The following PLBD2 variants were observed in gnomAD, a reference collection of about 807,000 sequenced individuals.
The protein encoded by PLBD2 is phospholipase B domain containing 2, also known as putative aminopeptidase PLBD2.
In PLBD2, 51 loss-of-function variants were observed where a neutral mutation model predicts 68.3. That is an observed-to-expected ratio of 0.75 (90% confidence interval 0.60 to 0.94). PLBD2 has a LOEUF of 0.94. Ranked by LOEUF, PLBD2 falls within the 40% of genes least tolerant of loss-of-function variation. The pLI, the probability that PLBD2 is intolerant of heterozygous loss-of-function variation, is 0.00. For missense variants in PLBD2, 729 were observed against 792.2 expected (o/e 0.92, Z 0.96); for synonymous variants, 314 against 339.3 (o/e 0.93, Z 0.82).
intron 1 of PLBD2, among the ~76,000 whole-genome samples, chr12:113,362,593 AG>A (rs1259826149): frequency 6.6e-6 from 1 of 151,396 alleles, no homozygotes; most frequent in Non-Finnish European, 1.5e-5. Context: ...TAGATTTTCC[AG>A]GAAAAAAAAA....
intron 8 of PLBD2, 94 bp from the exon 9 acceptor site, chr12:113,385,118 G>A (rs1957537676): frequency 1.4e-6 from 2 of 1,412,176 alleles, no homozygotes; most frequent in East Asian, 2.3e-5. Flanking sequence ...CATCCTCCAG[G>A]CAATGGGGAG....
rs924161272 is a variant in PLBD2, at chr12:113,372,601, G to C, written c.385-48G>C. 1.3e-5 allele frequency: 20 copies of C among 1,588,716 alleles called. No individual in the cohort carries two copies. The highest frequency in any genetic ancestry group is 6.8e-5 in the Admixed American group (4 of 59,064). Reference sequence around the variant, plus strand: ...CTGGGTGGGGGGCTCTCAGGGAAGAGAGCACCCCAGCTGCCCGCCCTTGCC... The same window carrying C: ...CTGGGTGGGGGGCTCTCAGGGAAGACAGCACCCCAGCTGCCCGCCCTTGCC... On this transcript the variant is annotated intron_variant, in intron 2 of 11. Coordinates refer to ENST00000280800, the MANE Select transcript of PLBD2 (RefSeq NM_173542.4). This position sits in a 1 kb window ranked among gnomAD's most constrained non-coding sequence, Gnocchi z 4.2.
chr12:113,371,831 C>A (rs1336558467), intron 2 of PLBD2, among the ~76,000 whole-genome samples: 1 of 152,246 alleles, frequency 6.6e-6, no homozygotes, highest in Non-Finnish European at 1.5e-5. Context: ...AACCTCAGCT[C>A]TGTCTAACCC....
chr12:113,374,989 T>G lies in PLBD2; in HGVS notation c.841T>G (p.Phe281Val), dbSNP rs976484841. 3.9e-5 allele frequency: 63 copies of G among 1,613,976 alleles called. No individual in the cohort carries two copies. The highest frequency in any genetic ancestry group is 5.2e-5 in the Non-Finnish European group (61 of 1,180,026). Residue 281 changes from phenylalanine to valine, a missense_variant, in exon 5 of 12, where the codon TTC becomes GTC. Coordinates refer to ENST00000280800, the MANE Select transcript of PLBD2 (RefSeq NM_173542.4). The stretch of plus-strand genomic sequence containing the variant: ...TGTCATCAAGAAGTACTGGCTCCAG[T>G]TCCGGGAAGGCCCCTGGGGTAGGTG... ...LRVIKKYWLQ[F>V]REGPWGDYPL...
At position 113,374,752 on chromosome 12, in the gene PLBD2, C is replaced by G. The variant is rs575100483; in HGVS notation, c.645-41C>G. 3.1e-4 allele frequency: 500 copies of G among 1,604,212 alleles called. 3 individuals are homozygous for G. In the South Asian group the frequency reaches 5.0e-3, roughly 16 times the overall value. ...CAAAATGAGTACATAACAGCACTCA[C>G]AGCAGGCGTGGTAACCCTCTGATGC... On this transcript the variant is annotated intron_variant, in intron 4 of 11. Transcript: ENST00000280800.
intron 1 of PLBD2, among the ~76,000 whole-genome samples, chr12:113,363,731 G>T (rs923057679): frequency 6.6e-6 from 1 of 151,924 alleles, no homozygotes; most frequent in South Asian, 2.1e-4. Flanking sequence ...TAGAGACGGG[G>T]TTTCACCATG....
chr12:113,387,840 C>G lies in PLBD2; in HGVS notation c.1536C>G (p.Asn512Lys), dbSNP rs1489610938. ...ENAISARSDL[N>K]PANGSYPFQA... The stretch of plus-strand genomic sequence containing the variant: ...CTATCTCCGCCCGCTCCGACCTCAA[C>G]CCGGCCAATGGCTCCTACCCCTTCC... The change falls in exon 11 of 12, where the codon AAC becomes AAG. Residue 512 changes from asparagine to lysine, a missense_variant. Asn to Lys is a moderately conservative substitution (Grantham distance 94). Coordinates refer to ENST00000280800, the MANE Select transcript of PLBD2 (RefSeq NM_173542.4). The G allele has an allele frequency of 6.2e-7, 1 of 1,614,250 alleles. No individual in the cohort carries two copies. Among genetic ancestry groups the G allele is most frequent in the South Asian group, 1.1e-5 (1 of 91,090 alleles).
intron 1 of PLBD2, among the ~76,000 whole-genome samples, chr12:113,368,037 A>G (rs190950583): frequency 3.3e-5 from 5 of 152,156 alleles, no homozygotes; most frequent in Non-Finnish European, 7.4e-5. Flanking sequence ...AGCTGAGATC[A>G]TGCCAGTACC....
chr12:113,388,027 T>C, intron 11 of PLBD2, 121 bp downstream of exon 11: 1 of 1,301,338 alleles, frequency 7.7e-7, no homozygotes. Context: ...GGAATTGGGC[T>C]GTGGTTGGGG....
rs1365884278 is a variant in PLBD2 at position 113,369,151 on chromosome 12, A to G, written c.326A>G (p.Tyr109Cys). The G allele has an allele frequency of 1.9e-6, 3 of 1,606,678 alleles. No homozygotes were observed. Among genetic ancestry groups the G allele is most frequent in the South Asian group, 1.1e-5 (1 of 89,210 alleles). Residue 109 changes from tyrosine to cysteine, a missense_variant, in exon 2 of 12, where the codon TAC becomes TGC. Transcript: ENST00000280800. ...CTGGAGCTGGGCACAAGTGGCCAAT[A>G]CAATGACAGCTTGCAGGCCTATGCA... ...AFLELGTSGQYNDSLQAYAAG... is the reference protein window; with the variant it reads ...AFLELGTSGQCNDSLQAYAAG...
intron 1 of PLBD2, among the ~76,000 whole-genome samples, chr12:113,366,314 C>G (rs936831397): frequency 1.3e-5 from 2 of 150,850 alleles, no homozygotes; most frequent in Non-Finnish European, 3.0e-5. Context: ...AAAAATGCTT[C>G]CCCCCGCTAG....
rs777583764 is a variant in PLBD2 at position 113,358,770 on chromosome 12, C to T, written c.170C>T (p.Pro57Leu). The change falls in exon 1 of 12, where the codon CCA becomes CTA. Residue 57 changes from proline (P) to leucine (L), a missense_variant. By Grantham distance (98) the Pro-to-Leu change is moderately conservative (BLOSUM62 -3). Transcript: ENST00000280800. Reference sequence around the variant, plus strand: ...TGGGCGCGCGATGGGCAGGTCCCTCCAGCCTCCCGCAGCCGCTCGGTGCTC... The same window carrying T: ...TGGGCGCGCGATGGGCAGGTCCCTCTAGCCTCCCGCAGCCGCTCGGTGCTC... ...GRWARDGQVP[P>L]ASRSRSVLLD... The T allele has an allele frequency of 1.6e-4, 225 of 1,441,350 alleles. No individual in the cohort carries two copies. Among genetic ancestry groups the T allele is most frequent in the Non-Finnish European group, 2.0e-4 (216 of 1,102,722 alleles). The allele number at this position is 1,441,350 out of a possible 1,614,324, so 89.3% of individuals were successfully genotyped here.
intron 5 of PLBD2, among the ~76,000 whole-genome samples, chr12:113,377,614 T>C (rs1565862034): frequency 6.6e-6 from 1 of 152,092 alleles, no homozygotes; most frequent in Non-Finnish European, 1.5e-5. Flanking sequence ...TCCGTAGAAA[T>C]GGGGTTTCGC....
chr12:113,386,857 C>T, intron 9 of PLBD2, 80 bp from the exon 10 acceptor site: 1 of 1,532,840 alleles, frequency 6.5e-7, no homozygotes, highest in Non-Finnish European at 8.8e-7. Context: ...CCTGGTGTGA[C>T]TGCCCCTCCC....
chr12:113,381,533 G>A (rs1276038822), intron 6 of PLBD2, among the ~76,000 whole-genome samples: 1 of 152,140 alleles, frequency 6.6e-6, no homozygotes, highest in African/African-American at 2.4e-5. Flanking sequence ...CGGGAGGGGT[G>A]GGGACTCTTC....
At chr12:113,368,399 G>T (rs1957360102) in intron 1 of PLBD2, among the ~76,000 whole-genome samples, 1 of 152,210 alleles carries the variant, frequency 6.6e-6, no homozygotes, top group Non-Finnish European at 1.5e-5. Flanking sequence ...CTACAGACCT[G>T]GTGTGCTTGT....
At chr12:113,371,411 A>G (rs1169468072) in intron 2 of PLBD2, among the ~76,000 whole-genome samples, 1 of 152,226 alleles carries the variant, frequency 6.6e-6, no homozygotes, top group African/African-American at 2.4e-5. Context: ...GAAAGAGCAC[A>G]TCACAGAGGA....
rs78598446 is a variant in PLBD2 at position 113,364,215 on chromosome 12, G to A, written c.291-4901G>A. On this transcript the variant is annotated intron_variant, in intron 1 of 11. Coordinates refer to ENST00000280800, the MANE Select transcript of PLBD2 (RefSeq NM_173542.4). ...TGCCCGTCTCCGGGGCCTCAGTGCC[G>A]AGGCCTTGGCTGAGCCCACCCTTGC... 4.7e-3 allele frequency among the ~76,000 whole-genome samples: 719 copies of A among 152,360 alleles called. 5 individuals are homozygous for A. The highest frequency in any genetic ancestry group is 0.013 in the South Asian group (65 of 4,830).
chr12:113,385,120 A>G (rs1957537725), intron 8 of PLBD2, 92 bp from the exon 9 acceptor site: 1 of 1,422,330 alleles, frequency 7.0e-7, no homozygotes, highest in Admixed American at 1.8e-5. Context: ...TCCTCCAGGC[A>G]ATGGGGAGCC....
Sources: gnomAD v4.1 joint callset for allele counts (sites outside exome capture counted in the v4.1 genomes callset) on GRCh38, gnomAD v4.1.1 for gene constraint, Gnocchi (gnomAD v3.1) non-coding constraint, MANE v1.5 for transcripts, NCBI Gene and HGNC (gene_info 2026-07-23, HGNC 2026-07-21) for gene names.